Variants in KHDRBS2 observed in about 807,000 individuals in gnomAD.
The protein encoded by KHDRBS2 is KH domain-containing, RNA-binding, signal transduction-associated protein 2.
In KHDRBS2, 26 loss-of-function variants were observed where a neutral mutation model predicts 44.3. The observed-to-expected ratio is 0.59, with a 90% CI of 0.43 to 0.81. KHDRBS2 has a LOEUF of 0.81. Among genes scored for constraint, KHDRBS2 ranks in the 40% least tolerant of loss-of-function variants. The pLI is 0.00. For synonymous variants in KHDRBS2, 194 were observed against 151.1 expected (o/e 1.28, Z -2.08); for missense variants, 476 against 433.1 (o/e 1.10, Z -0.88).
chr6:61,891,773 G>A (rs1801888601), intron 6 of KHDRBS2, among the ~76,000 whole-genome samples: 1 of 152,168 alleles, frequency 6.6e-6, no homozygotes, highest in African/African-American at 2.4e-5. Flanking sequence ...ACCTGTCTAT[G>A]ACAAAACCAC....
At chr6:61,583,172 T>C in the KHDRBS2 span, among the ~76,000 whole-genome samples, 1 of 151,842 alleles carries the variant, frequency 6.6e-6, no homozygotes, top group Non-Finnish European at 1.5e-5. Flanking sequence ...AGAAGTATGA[T>C]CTGATTTGTA....
chr6:61,988,396 G>A (rs758917165), intron 3 of KHDRBS2, among the ~76,000 whole-genome samples: 1 of 152,168 alleles, frequency 6.6e-6, no homozygotes, highest in African/African-American at 2.4e-5. Flanking sequence ...TCATGGAACA[G>A]GGCAATATGG....
At chr6:62,024,960 A>G (rs1201372871) in intron 3 of KHDRBS2, among the ~76,000 whole-genome samples, 1 of 151,720 alleles carries the variant, frequency 6.6e-6, no homozygotes, top group African/African-American at 2.4e-5. Context: ...GCCTCCATTT[A>G]TCAACATATA....
intron 4 of KHDRBS2, among the ~76,000 whole-genome samples, chr6:61,927,389 A>G (rs1172642102): frequency 1.3e-5 from 2 of 152,160 alleles, no homozygotes; most frequent in East Asian, 3.8e-4. Flanking sequence ...ATCCTATAAG[A>G]CATATAGTCA....
At chr6:61,838,281 G>A (rs1298728864) in intron 6 of KHDRBS2, among the ~76,000 whole-genome samples, 1 of 151,890 alleles carries the variant, frequency 6.6e-6, no homozygotes, top group Non-Finnish European at 1.5e-5. Context: ...TTTTTGAGAT[G>A]TTCAAATTAA....
chr6:61,674,066 T>G, the KHDRBS2 span, among the ~76,000 whole-genome samples: 1 of 151,758 alleles, frequency 6.6e-6, no homozygotes, highest in Non-Finnish European at 1.5e-5. Flanking sequence ...TATTTAATCA[T>G]GTGAGTGGTT....
At chr6:61,633,473 T>C in the KHDRBS2 span, among the ~76,000 whole-genome samples, 1 of 152,112 alleles carries the variant, frequency 6.6e-6, no homozygotes. Context: ...GAATTTTAAA[T>C]ATACTGGAAA....
intron 1 of KHDRBS2, among the ~76,000 whole-genome samples, chr6:62,216,749 AAGTACCAGTTTCAAGT>A (rs1830065839): frequency 1.3e-5 from 2 of 148,212 alleles, no homozygotes; most frequent in South Asian, 4.3e-4. Flanking sequence ...CCAATGAGAG[AAGTACCAGTTTCAAGT>A]AGACCAGGAT....
chr6:61,561,687 A>G, the KHDRBS2 span, among the ~76,000 whole-genome samples: 4 of 151,444 alleles, frequency 2.6e-5, no homozygotes, highest in African/African-American at 4.9e-5. Flanking sequence ...AGGCCAAAAG[A>G]CTCTTCGGTC....
chr6:61,576,703 C>T, the KHDRBS2 span, among the ~76,000 whole-genome samples: 103 of 152,154 alleles, frequency 6.8e-4, 1 homozygote, highest in Middle Eastern at 0.014. Context: ...CTATATGCTT[C>T]GATAAATTTT....
chr6:61,955,808 T>C (rs1461339661), intron 4 of KHDRBS2, among the ~76,000 whole-genome samples: 2 of 152,016 alleles, frequency 1.3e-5, no homozygotes, highest in East Asian at 1.9e-4. Context: ...GTGCCAATCA[T>C]GTATTTCAAT....
chr6:62,123,254 T>G (rs976868608), intron 2 of KHDRBS2, among the ~76,000 whole-genome samples: 2 of 152,222 alleles, frequency 1.3e-5, no homozygotes, highest in African/African-American at 4.8e-5. Context: ...CTGCATAGTA[T>G]TCCATGGTGT....
chr6:61,768,337 C>A (rs781578011), intron 6 of KHDRBS2, among the ~76,000 whole-genome samples: 3 of 152,120 alleles, frequency 2.0e-5, no homozygotes, highest in Non-Finnish European at 4.4e-5. Flanking sequence ...AGATAGCCTC[C>A]TTTGGGTTAT....
At chr6:61,837,652 A>G (rs1180298802) in intron 6 of KHDRBS2, among the ~76,000 whole-genome samples, 1 of 152,026 alleles carries the variant, frequency 6.6e-6, no homozygotes, top group Non-Finnish European at 1.5e-5. Context: ...ACAAGCATCA[A>G]AAAATGTAGG....
rs1296628574 is a variant in KHDRBS2 at position 61,859,209 on chromosome 6, T to C, written c.810+35426A>G. Among the ~76,000 whole-genome samples, 6 of 152,030 alleles carry C rather than the reference T, an allele frequency of 3.9e-5. No individual in the cohort carries two copies. The East Asian group carries it at 9.7e-4, about 25-fold the overall frequency. On this transcript the variant is annotated intron_variant, in intron 6 of 8. Transcript: ENST00000281156. ...GATTACAAGGTGTGATTCTGGAAAG[T>C]ATGTTAATGACTCCAAGTTTTTCCT...
At chr6:61,920,889 T>G (rs1315877827) in intron 4 of KHDRBS2, among the ~76,000 whole-genome samples, 2 of 151,820 alleles carry the variant, frequency 1.3e-5, no homozygotes, top group Non-Finnish European at 2.9e-5. Flanking sequence ...ATGCTTATAA[T>G]AAATTAGGAG....
At chr6:61,873,045 G>A (rs1011178082) in intron 6 of KHDRBS2, among the ~76,000 whole-genome samples, 3 of 152,044 alleles carry the variant, frequency 2.0e-5, no homozygotes, top group African/African-American at 7.2e-5. Flanking sequence ...AATTAACCTG[G>A]AGGAGAAACA....
intron 1 of KHDRBS2, among the ~76,000 whole-genome samples, chr6:62,253,179 T>C (rs184229600): frequency 9.2e-5 from 14 of 152,150 alleles, no homozygotes; most frequent in Admixed American, 3.3e-4. Flanking sequence ...TTGAAGCCAG[T>C]GAGTATCTTT....
the KHDRBS2 span, among the ~76,000 whole-genome samples, chr6:61,667,264 T>G: frequency 6.6e-6 from 1 of 150,930 alleles, no homozygotes; most frequent in Non-Finnish European, 1.5e-5. Context: ...GTTCTTGTAA[T>G]AGTAGATCCT....
Sources: allele counts gnomAD v4.1 joint callset (sites outside exome capture counted in the v4.1 genomes callset), GRCh38; gene constraint gnomAD v4.1.1; transcripts MANE v1.5; gene names NCBI Gene and HGNC (gene_info 2026-07-23, HGNC 2026-07-21).